The following SLC38A11 variants were observed in gnomAD, a reference collection of about 807,000 sequenced individuals.
SLC38A11 encodes solute carrier family 38 member 11.
Under a neutral mutation model 49.4 loss-of-function variants are expected in SLC38A11, and 51 were observed. The observed-to-expected ratio is 1.03, with a 90% CI of 0.83 to 1.30. The LOEUF (loss-of-function observed/expected upper bound fraction) is 1.30. Ranked by LOEUF, SLC38A11 falls within the 50% of genes most tolerant of loss-of-function variation. SLC38A11 has a pLI of 0.00. For synonymous variants in SLC38A11, 203 were observed against 192.9 expected, an observed-to-expected ratio of 1.05 and a Z score of -0.43; for missense variants, 574 against 556.2, an observed-to-expected ratio of 1.03 and a Z score of -0.32.
intron 11 of SLC38A11, among the ~76,000 whole-genome samples, chr2:164,901,710 T>C (rs57969920): frequency 5.6e-4 from 85 of 152,282 alleles, no homozygotes; most frequent in African/African-American, 1.6e-3. Context: ...TAGAAATAAC[T>C]TTACTTCTTC....
At chr2:164,899,846 T>C (rs145818742) in intron 11 of SLC38A11, among the ~76,000 whole-genome samples, 18 of 152,174 alleles carry the variant, frequency 1.2e-4, no homozygotes, top group African/African-American at 3.6e-4. Flanking sequence ...TATAATACAA[T>C]TTATAAATTA....
At position 164,931,341 on chromosome 2, in the gene SLC38A11, C is replaced by T. The variant is rs189247407; in HGVS notation, c.617+6009G>A. Among the ~76,000 whole-genome samples the T allele has an allele frequency of 5.7e-3, 853 of 150,624 alleles. 5 individuals are homozygous for T. Among genetic ancestry groups the T allele is most frequent in the African/African-American group, 0.019 (762 of 40,934 alleles). The stretch of plus-strand genomic sequence containing the variant: ...AGAATCAATATTGTTAAAATGGCCA[C>T]ACTGCCCAAAGCAATTTACAGATTC... On this transcript the variant is annotated intron_variant, in intron 7 of 11. Coordinates refer to ENST00000685975, the MANE Select transcript of SLC38A11 (RefSeq NM_001351537.2).
intron 6 of SLC38A11, among the ~76,000 whole-genome samples, chr2:164,937,901 T>A (rs985251307): frequency 2.7e-5 from 4 of 150,730 alleles, no homozygotes; most frequent in Non-Finnish European, 1.5e-5. Context: ...TGAGGAGGGG[T>A]ATCTCAGCTT....
Position 164,945,693 on chromosome 2 carries a change from G to C in SLC38A11, c.264C>G (p.Ala88=). 1 of 1,607,716 alleles carries C rather than the reference G, an allele frequency of 6.2e-7. No individual in the cohort carries two copies. Among genetic ancestry groups the C allele is most frequent in the Non-Finnish European group, 8.5e-7 (1 of 1,178,648 alleles). Residue 88 remains alanine (A), a synonymous_variant, in exon 4 of 12, where the codon GCC becomes GCG. Transcript: ENST00000685975. The stretch of plus-strand genomic sequence containing the variant: ...ACTGGTAGGTATCTGTTCCAGAGAG[G>C]GCCCCTCCTTTTATCAATAAAACAA... ...FSLVLLIKGG[A]LSGTDTYQSL... is the part of the protein sequence containing the mutation.
At chr2:164,900,262 G>A (rs1028647320) in intron 11 of SLC38A11, among the ~76,000 whole-genome samples, 5 of 152,010 alleles carry the variant, frequency 3.3e-5, no homozygotes, top group African/African-American at 1.2e-4. Context: ...AATGAACATG[G>A]GAGTGCAGAT....
At chr2:164,945,374 G>C (rs998818963) in intron 4 of SLC38A11, among the ~76,000 whole-genome samples, 2 of 150,854 alleles carry the variant, frequency 1.3e-5, no homozygotes, top group Non-Finnish European at 2.9e-5. Context: ...CATTAACCTA[G>C]TGAAAATAAC....
intron 7 of SLC38A11, 74 bp from the exon 8 acceptor site, chr2:164,916,047 G>A (rs1470465555): frequency 8.8e-6 from 9 of 1,026,606 alleles, no homozygotes; most frequent in Non-Finnish European, 1.3e-5. Flanking sequence ...AACAAGAAAT[G>A]GTATCACAAA....
At chr2:164,920,720 C>CAAA (rs1686134999) in intron 7 of SLC38A11, among the ~76,000 whole-genome samples, 1 of 151,504 alleles carries the variant, frequency 6.6e-6, no homozygotes, top group Non-Finnish European at 1.5e-5. Flanking sequence ...AATGCTCCAA[C>CAAA]AAAAGGAGAA....
intron 3 of SLC38A11, 59 bp downstream of exon 3, chr2:164,952,644 GTGTA>G: frequency 1.0e-6 from 1 of 957,398 alleles, no homozygotes; most frequent in Non-Finnish European, 1.7e-6. Flanking sequence ...GTGTGTGTGT[GTGTA>G]TGTGTGTAGT....
intron 7 of SLC38A11, among the ~76,000 whole-genome samples, chr2:164,929,568 C>G (rs1237858472): frequency 2.0e-5 from 3 of 152,068 alleles, no homozygotes; most frequent in Non-Finnish European, 2.9e-5. Context: ...GGGAGAAAAG[C>G]TTTCAGAAAC....
intron 3 of SLC38A11, among the ~76,000 whole-genome samples, chr2:164,952,310 A>T (rs1223023132): frequency 2.6e-5 from 4 of 152,130 alleles, no homozygotes; most frequent in African/African-American, 9.7e-5. Context: ...CTTCATTTCT[A>T]CCTCCACAAA....
intron 5 of SLC38A11, among the ~76,000 whole-genome samples, chr2:164,940,367 A>G (rs1687681774): frequency 6.6e-6 from 1 of 151,066 alleles, no homozygotes; most frequent in South Asian, 2.1e-4. Context: ...GCTAATTAAA[A>G]TAGTCATTTA....
At chr2:164,910,458 A>T (rs1259150772) in intron 10 of SLC38A11, among the ~76,000 whole-genome samples, 1 of 150,642 alleles carries the variant, frequency 6.6e-6, no homozygotes, top group Non-Finnish European at 1.5e-5. Flanking sequence ...TCTTAAATTT[A>T]AAAAAAAATT....
chr2:164,940,325 A>G (rs940653429), intron 5 of SLC38A11, among the ~76,000 whole-genome samples: 1 of 150,392 alleles, frequency 6.6e-6, no homozygotes, highest in African/African-American at 2.4e-5. Flanking sequence ...ATGAAATGAA[A>G]CATACAAGGA....
In SLC38A11 at chr2:164,896,079, A is replaced by G. The variant is rs1415512019; in HGVS notation, c.*2358T>C. The stretch of plus-strand genomic sequence containing the variant: ...AAGTGGCAGGGATGGAAAGATTTTC[A>G]GGGGAATCTCTTATTGAACTGAGGC... On this transcript the variant is annotated 3_prime_UTR_variant, in exon 12 of 12. Coordinates refer to ENST00000685975, the MANE Select transcript of SLC38A11 (RefSeq NM_001351537.2). The G allele has an allele frequency of 6.6e-6, 1 of 152,162 alleles. No homozygotes were observed. The highest frequency in any genetic ancestry group is 6.6e-5 in the Admixed American group (1 of 15,258). 9.4% of individuals were successfully genotyped at this position (152,162 alleles called of 1,614,324 possible).
intron 5 of SLC38A11, among the ~76,000 whole-genome samples, chr2:164,940,776 A>T (rs1001844000): frequency 5.3e-5 from 8 of 150,932 alleles, no homozygotes; most frequent in African/African-American, 1.9e-4. Flanking sequence ...ATGTGTGTGT[A>T]TATATATTAT....
chr2:164,952,886 T>A, intron 2 of SLC38A11, 105 bp from the exon 3 acceptor site: 1 of 776,176 alleles, frequency 1.3e-6, no homozygotes, highest in Admixed American at 2.5e-5. Flanking sequence ...TCAATTTATA[T>A]ACTTATATGA....
chr2:164,943,954 T>A (rs1295281717), intron 5 of SLC38A11, among the ~76,000 whole-genome samples: 1 of 152,180 alleles, frequency 6.6e-6, no homozygotes. Flanking sequence ...CCTCCTGGGC[T>A]TAAGTGATCC....
chr2:164,954,592 C>A (rs1448186968), intron 2 of SLC38A11, 39 bp downstream of exon 2: 2 of 1,007,870 alleles, frequency 2.0e-6, no homozygotes, highest in Admixed American at 2.8e-5. Context: ...TAAATTTTGC[C>A]CTTTCACTTA....
Sources: allele counts gnomAD v4.1 joint callset (sites outside exome capture counted in the v4.1 genomes callset), GRCh38; gene constraint gnomAD v4.1.1; transcripts MANE v1.5; gene names NCBI Gene and HGNC (gene_info 2026-07-23, HGNC 2026-07-21).